Variants in EDIL3 observed in about 807,000 individuals in gnomAD.
The protein encoded by EDIL3 is EGF like and discoidin domains 3.
Under a neutral mutation model 67.4 loss-of-function variants are expected in EDIL3, and 37 were observed. The observed-to-expected ratio is 0.55, with a 90% CI of 0.42 to 0.72. EDIL3 has a LOEUF of 0.72. Among genes scored for constraint, EDIL3 ranks in the 30% least tolerant of loss-of-function variants. The pLI is 0.00. For synonymous variants in EDIL3, 195 were observed against 196.3 expected, an observed-to-expected ratio of 0.99 and a Z score of 0.05; for missense variants, 527 against 586.3, an observed-to-expected ratio of 0.90 and a Z score of 1.04.
intron 9 of EDIL3, among the ~76,000 whole-genome samples, chr5:83,982,996 G>A (rs1397861698): frequency 6.6e-6 from 1 of 152,104 alleles, no homozygotes; most frequent in African/African-American, 2.4e-5. Flanking sequence ...ACAGCAGCCC[G>A]GAGGAAAGAG....
chr5:84,151,117 T>C (rs530657676), intron 4 of EDIL3, among the ~76,000 whole-genome samples: 2 of 152,310 alleles, frequency 1.3e-5, no homozygotes, highest in East Asian at 1.9e-4. Flanking sequence ...GGTTCATATA[T>C]GTGTCAAAAC....
At position 84,206,172 on chromosome 5, in the gene EDIL3, C is replaced by A. The variant is rs551829779; in HGVS notation, c.226+23683G>T. The stretch of plus-strand genomic sequence containing the variant: ...TTTCTGCCTTCATTTCGTTAGGTAC[C>A]CAGTAGTCATTCAGGAGCAGGTTGT... On this transcript the variant is annotated intron_variant, in intron 3 of 10. Transcript: ENST00000296591. Among the ~76,000 whole-genome samples, 134 of 152,018 alleles carry A rather than the reference C, an allele frequency of 8.8e-4. 1 individual carries two copies. Among genetic ancestry groups the A allele is most frequent in the African/African-American group, 3.2e-3 (132 of 41,444 alleles).
In EDIL3 at chr5:83,978,073, C is replaced by T. The variant is rs77315645; in HGVS notation, c.1138-14713G>A. Among the ~76,000 whole-genome samples the T allele has an allele frequency of 3.5e-3, 531 of 151,798 alleles. 13 individuals are homozygous for T. The East Asian group carries it at 0.055, about 16-fold the overall frequency. ...AGCATATAAAATGAAATAGGAGATA[C>T]AAAATTGCTGCTGTAAGCATATGAT... On this transcript the variant is annotated intron_variant, in intron 9 of 10. Coordinates refer to ENST00000296591, the MANE Select transcript of EDIL3 (RefSeq NM_005711.5).
chr5:84,218,944 A>C (rs748142542), intron 3 of EDIL3, among the ~76,000 whole-genome samples: 12 of 152,208 alleles, frequency 7.9e-5, no homozygotes, highest in Non-Finnish European at 1.6e-4. Context: ...CCCTGAAGCA[A>C]ACGACACAAG....
intron 4 of EDIL3, among the ~76,000 whole-genome samples, chr5:84,176,194 A>AT (rs1748901915): frequency 3.3e-5 from 1 of 30,208 alleles, no homozygotes; most frequent in African/African-American, 1.7e-4. Flanking sequence ...ATATATATAT[A>AT]TATAATATAT....
chr5:84,371,102 CTA>C (rs1376429501), intron 1 of EDIL3, among the ~76,000 whole-genome samples: 1 of 151,316 alleles, frequency 6.6e-6, no homozygotes, highest in African/African-American at 2.4e-5. Flanking sequence ...GATTATATAA[CTA>C]TGATTTTTGA....
chr5:84,236,974 G>C (rs556163315), intron 2 of EDIL3, among the ~76,000 whole-genome samples: 1 of 151,948 alleles, frequency 6.6e-6, no homozygotes, highest in South Asian at 2.1e-4. Context: ...ACAGGAAAGA[G>C]AGAATCATTA....
In EDIL3 at chr5:84,302,753, C is replaced by T. The variant is rs371696016; in HGVS notation, c.68-48541G>A. Among the ~76,000 whole-genome samples, 109 of 152,210 alleles carry T rather than the reference C, an allele frequency of 7.2e-4. 1 individual carries two copies. Among genetic ancestry groups the T allele is most frequent in the African/African-American group, 2.5e-3 (103 of 41,524 alleles). On this transcript the variant is annotated intron_variant, in intron 1 of 10. Transcript: ENST00000296591. ...ATGTTTTCTTTCCAGATAGTATCAT[C>T]GACTTACTTGCTGGTGATTTGGGGC...
intron 4 of EDIL3, among the ~76,000 whole-genome samples, chr5:84,167,318 C>T (rs77655037): frequency 0.018 from 2,764 of 152,034 alleles, 95 homozygotes; most frequent in African/African-American, 0.063. Flanking sequence ...AAGTGTAGAA[C>T]CAGAACAATA....
chr5:83,949,651 T>G (rs1239704896), intron 10 of EDIL3, among the ~76,000 whole-genome samples: 1 of 151,842 alleles, frequency 6.6e-6, no homozygotes, highest in Non-Finnish European at 1.5e-5. Context: ...TATTGAACAG[T>G]TCTTCTGCAG....
intron 9 of EDIL3, among the ~76,000 whole-genome samples, chr5:84,034,881 T>C (rs1398589857): frequency 6.6e-6 from 1 of 152,182 alleles, no homozygotes; most frequent in East Asian, 1.9e-4. Flanking sequence ...GCTGGCCATG[T>C]CACTGATATC....
At chr5:83,963,994 TGAA>T (rs1373082312) in intron 9 of EDIL3, among the ~76,000 whole-genome samples, 1 of 151,780 alleles carries the variant, frequency 6.6e-6, no homozygotes, top group Non-Finnish European at 1.5e-5. Context: ...TCTTCAAAAA[TGAA>T]GAAGGATTAA....
intron 9 of EDIL3, among the ~76,000 whole-genome samples, chr5:84,030,516 G>T (rs150822211): frequency 0.015 from 2,300 of 152,032 alleles, 32 homozygotes; most frequent in Middle Eastern, 0.037. Flanking sequence ...AATCGCACAA[G>T]AACATGTATA....
intron 7 of EDIL3, 28 bp from the exon 8 acceptor site, chr5:84,064,872 A>G (rs1746608397): frequency 6.3e-7 from 1 of 1,588,910 alleles, no homozygotes; most frequent in Non-Finnish European, 8.6e-7. Context: ...AAAATTATTC[A>G]CTGCAACAGC....
At chr5:84,336,240 A>C (rs559303915) in intron 1 of EDIL3, among the ~76,000 whole-genome samples, 2 of 152,208 alleles carry the variant, frequency 1.3e-5, no homozygotes, top group Admixed American at 6.5e-5. Flanking sequence ...ACAAGTATAA[A>C]GACCTGCGTG....
intron 9 of EDIL3, among the ~76,000 whole-genome samples, chr5:84,048,723 TCAC>T (rs1746276045): frequency 6.6e-6 from 1 of 152,036 alleles, no homozygotes; most frequent in Non-Finnish European, 1.5e-5. Context: ...TTTTCTATAG[TCAC>T]CACCAATACG....
chr5:84,115,857 T>A (rs1747654618), intron 5 of EDIL3, among the ~76,000 whole-genome samples: 1 of 152,142 alleles, frequency 6.6e-6, no homozygotes, highest in African/African-American at 2.4e-5. Flanking sequence ...AGGGACTGAG[T>A]TGCTTGAAGA....
intron 10 of EDIL3, among the ~76,000 whole-genome samples, chr5:83,948,134 A>G (rs1419814751): frequency 1.3e-5 from 2 of 151,798 alleles, no homozygotes; most frequent in Non-Finnish European, 2.9e-5. Context: ...TGATTGATTT[A>G]TGGTCAAATA....
rs1000835352 is a variant in EDIL3, at chr5:84,218,889, G to A, written c.226+10966C>T. 2.6e-5 allele frequency among the ~76,000 whole-genome samples: 4 copies of A among 152,316 alleles called. No homozygotes were observed. The East Asian group carries it at 5.8e-4, about 22-fold the overall frequency. On this transcript the variant is annotated intron_variant, in intron 3 of 10. Coordinates refer to ENST00000296591, the MANE Select transcript of EDIL3 (RefSeq NM_005711.5). ...GTCTTGTGCCTTCTGTGCCAGCTCAGCCACAGCAGAAGAGAGTACCTCGGG... is the reference window on the plus strand; with the variant it reads ...GTCTTGTGCCTTCTGTGCCAGCTCAACCACAGCAGAAGAGAGTACCTCGGG...
Sources: gnomAD v4.1 joint callset for allele counts (sites outside exome capture counted in the v4.1 genomes callset) on GRCh38, gnomAD v4.1.1 for gene constraint, MANE v1.5 for transcripts, NCBI Gene and HGNC (gene_info 2026-07-23, HGNC 2026-07-21) for gene names.